RHOQ: variants seen among roughly 807,000 people sequenced by gnomAD.
The protein encoded by RHOQ is rho-related GTP-binding protein RhoQ.
A neutral mutation model predicts 25.8 loss-of-function variants in RHOQ; 7 were observed. That is an observed-to-expected ratio of 0.27 (90% confidence interval 0.15 to 0.51). The LOEUF (loss-of-function observed/expected upper bound fraction) is 0.51, where lower values mean the gene tolerates loss of function less well. RHOQ is among the 20% of genes least tolerant of loss of function. The pLI, the probability that RHOQ is intolerant of heterozygous loss-of-function variation, is 0.97. For synonymous variants in RHOQ, 97 were observed against 98.6 expected (o/e 0.98, Z 0.10); for missense variants, 165 against 260.6 (o/e 0.63, Z 2.53).
In RHOQ at chr2:46,583,075, G is replaced by A. The variant is rs1168018003; in HGVS notation, c.*1992G>A. 6.6e-6 allele frequency: 1 copy of A among 152,030 alleles called. No homozygotes were observed. The highest frequency in any genetic ancestry group is 2.4e-5 in the African/African-American group (1 of 41,408). 9.4% of individuals were successfully genotyped at this position (152,030 alleles called of 1,614,324 possible). The stretch of plus-strand genomic sequence containing the variant: ...ATATTAGCTGAGTTGTCCAACACAT[G>A]GTATAAACGAATTACAACAGTAAAC... On this transcript the variant is annotated 3_prime_UTR_variant, in exon 5 of 5. Transcript: ENST00000238738.
rs1668741489 is a variant in RHOQ at position 46,566,652 on chromosome 2, T to C, written c.202-9435T>C. 6.6e-6 allele frequency among the ~76,000 whole-genome samples: 1 copy of C among 152,122 alleles called. No individual in the cohort carries two copies. Among genetic ancestry groups the C allele is most frequent in the African/African-American group, 2.4e-5 (1 of 41,422 alleles). On this transcript the variant is annotated intron_variant, in intron 2 of 4. Coordinates refer to ENST00000238738, the MANE Select transcript of RHOQ (RefSeq NM_012249.4). This position sits in a 1 kb window ranked among gnomAD's most constrained non-coding sequence, Gnocchi z 4.2. ...GTCGGGGGCTCACCTTTTAATGACT[T>C]TCCATTGCAGGTGGGCCCTGCAGAG...
rs146452712 is a variant in RHOQ, at chr2:46,562,667, G to A, written c.202-13420G>A. On this transcript the variant is annotated intron_variant, in intron 2 of 4. Coordinates refer to ENST00000238738, the MANE Select transcript of RHOQ (RefSeq NM_012249.4). The stretch of plus-strand genomic sequence containing the variant: ...GTGCAAAGTGGGCCGAGAGGACTCC[G>A]TGGCCACATCAAAGCCCATGTGCAT... Among the ~76,000 whole-genome samples the A allele has an allele frequency of 4.5e-3, 693 of 152,328 alleles. 5 individuals are homozygous for A. The highest frequency in any genetic ancestry group is 0.017 in the Middle Eastern group (5 of 294).
At position 46,576,941 on chromosome 2, in the gene RHOQ, C is replaced by G. The variant is rs1041031811; in HGVS notation, c.462+285C>G. ...TGACTCCTGGGCCGAGACTCTTACA[C>G]CTTTGCTACATTGCCAGTGATATTT... is the stretch of plus-strand genomic sequence containing the variant. On this transcript the variant is annotated intron_variant, in intron 4 of 4. Transcript: ENST00000238738. This position sits in a 1 kb window ranked among gnomAD's most constrained non-coding sequence, Gnocchi z 5.1. 7.7e-6 allele frequency: 2 copies of G among 260,340 alleles called. No homozygotes were observed. Among genetic ancestry groups the G allele is most frequent in the Non-Finnish European group, 1.4e-5 (2 of 138,146 alleles). 16.1% of individuals were successfully genotyped at this position (260,340 alleles called of 1,614,324 possible).
At chr2:46,577,202 T>G in intron 4 of RHOQ, 1 of 152,210 alleles carries the variant, frequency 6.6e-6, no homozygotes, top group Non-Finnish European at 1.5e-5. Flanking sequence ...GAAAAGAGGA[T>G]AGAAAATACA....
intron 2 of RHOQ, among the ~76,000 whole-genome samples, chr2:46,575,131 G>A (rs1459614202): frequency 6.6e-6 from 1 of 152,124 alleles, no homozygotes; most frequent in Non-Finnish European, 1.5e-5. Flanking sequence ...TAGCTGTTCT[G>A]GGGACTCTGA....
chr2:46,571,350 C>G (rs1220003773), intron 2 of RHOQ, among the ~76,000 whole-genome samples: 1 of 152,220 alleles, frequency 6.6e-6, no homozygotes, highest in Non-Finnish European at 1.5e-5. Flanking sequence ...GTTTCCTCTT[C>G]TAGGCTGTGG....
chr2:46,547,036 G>C (rs1009622637), intron 2 of RHOQ, among the ~76,000 whole-genome samples: 1 of 152,170 alleles, frequency 6.6e-6, no homozygotes, highest in Non-Finnish European at 1.5e-5. Context: ...AGCAGAGCCC[G>C]TATCCCCATT....
intron 2 of RHOQ, among the ~76,000 whole-genome samples, chr2:46,562,437 C>A (rs967725805): frequency 6.6e-6 from 1 of 152,234 alleles, no homozygotes; most frequent in African/African-American, 2.4e-5. Context: ...GTTTCCTCCT[C>A]TATCTGTACT....
chr2:46,575,358 G>T (rs930951829), intron 2 of RHOQ, among the ~76,000 whole-genome samples: 3 of 150,852 alleles, frequency 2.0e-5, no homozygotes, highest in African/African-American at 7.3e-5. Flanking sequence ...GAGTAAAGGA[G>T]GATTTTGGTG....
Position 46,576,654 on chromosome 2 carries a change from G to C in RHOQ, c.460G>C (p.Glu154Gln). The C allele has an allele frequency of 3.2e-6, 5 of 1,563,980 alleles. No individual in the cohort carries two copies. Among genetic ancestry groups the C allele is most frequent in the Non-Finnish European group, 4.4e-6 (5 of 1,143,398 alleles). ...CVEQGQKLAK[E>Q]IGACCYVECS... ...GGAACAAGGACAGAAACTAGCAAAA[G>C]AGGTAATGGAACACTCACAGAATTT... Residue 154 changes from glutamate (E) to glutamine (Q), a missense_variant and splice_region_variant, in exon 4 of 5, where the codon GAG becomes CAG. Transcript: ENST00000238738. This position sits in a 1 kb window ranked among gnomAD's most constrained non-coding sequence, Gnocchi z 5.1.
In RHOQ at chr2:46,542,899, A is replaced by C; in HGVS notation, c.-148A>C. 8.9e-6 allele frequency: 2 copies of C among 223,688 alleles called. No homozygotes were observed. Among genetic ancestry groups the C allele is most frequent in the Non-Finnish European group, 1.4e-5 (2 of 138,376 alleles). The allele number at this position is 223,688 out of a possible 1,614,324, so 13.9% of individuals were successfully genotyped here. Reference sequence around the variant, plus strand: ...GCCCGCCGCCCCCTCCCCTCCTGCGAGGGGAGCCGCTGCATGGGGCCGGGG... The same window carrying C: ...GCCCGCCGCCCCCTCCCCTCCTGCGCGGGGAGCCGCTGCATGGGGCCGGGG... On this transcript the variant is annotated 5_prime_UTR_variant, in exon 1 of 5. Coordinates refer to ENST00000238738, the MANE Select transcript of RHOQ (RefSeq NM_012249.4).
Position 46,556,131 on chromosome 2 carries a change from G to A in RHOQ, c.201+12319G>A, listed in dbSNP as rs1035817421. On this transcript the variant is annotated intron_variant, in intron 2 of 4. Transcript: ENST00000238738. This position sits in a 1 kb window ranked among gnomAD's most constrained non-coding sequence, Gnocchi z 4.9. Reference sequence around the variant, plus strand: ...CTGTTTCTATGGATTTACCTATTCTGGACATTTCATATTAATGGAATCCTG... The same window carrying A: ...CTGTTTCTATGGATTTACCTATTCTAGACATTTCATATTAATGGAATCCTG... Among the ~76,000 whole-genome samples the A allele has an allele frequency of 1.3e-5, 2 of 151,930 alleles. No individual in the cohort carries two copies. The highest frequency in any genetic ancestry group is 2.4e-5 in the African/African-American group (1 of 41,330).
At chr2:46,572,530 G>T (rs1668966542) in intron 2 of RHOQ, among the ~76,000 whole-genome samples, 1 of 152,124 alleles carries the variant, frequency 6.6e-6, no homozygotes, top group Admixed American at 6.5e-5. Context: ...TAGCCAATTG[G>T]TAAGAAGCTA....
At chr2:46,557,706 A>G (rs1206894764) in intron 2 of RHOQ, among the ~76,000 whole-genome samples, 1 of 152,218 alleles carries the variant, frequency 6.6e-6, no homozygotes, top group Non-Finnish European at 1.5e-5. Flanking sequence ...AGTTATTATG[A>G]AGAAATAAAA....
rs1668721460 is a variant in RHOQ at position 46,566,050 on chromosome 2, G to A, written c.202-10037G>A. ...AATACGGAGAGAGAGAAGAAACAGGGAAACTCACTGGGCAGGTGACTGCTT... is the reference window on the plus strand; with the variant it reads ...AATACGGAGAGAGAGAAGAAACAGGAAAACTCACTGGGCAGGTGACTGCTT... On this transcript the variant is annotated intron_variant, in intron 2 of 4. Coordinates refer to ENST00000238738, the MANE Select transcript of RHOQ (RefSeq NM_012249.4). The surrounding 1 kb of genome is among the most constrained non-coding windows in gnomAD (Gnocchi z 4.2). Among the ~76,000 whole-genome samples the A allele has an allele frequency of 1.3e-5, 2 of 152,198 alleles. No individual in the cohort carries two copies. Among genetic ancestry groups the A allele is most frequent in the African/African-American group, 4.8e-5 (2 of 41,448 alleles).
chr2:46,565,756 G>A (rs185058296), intron 2 of RHOQ, among the ~76,000 whole-genome samples: 107 of 152,334 alleles, frequency 7.0e-4, no homozygotes, highest in Middle Eastern at 3.4e-3. Context: ...TTGATTCAGC[G>A]GGAATGTAAT....
Position 46,581,123 on chromosome 2 carries a change from C to T in RHOQ, c.*40C>T, listed in dbSNP as rs765355378. The T allele has an allele frequency of 7.0e-7, 1 of 1,427,632 alleles. No individual in the cohort carries two copies. The highest frequency in any genetic ancestry group is 9.4e-7 in the Non-Finnish European group (1 of 1,064,662). 88.4% of individuals were successfully genotyped at this position (1,427,632 alleles called of 1,614,324 possible). On this transcript the variant is annotated 3_prime_UTR_variant, in exon 5 of 5. Coordinates refer to ENST00000238738, the MANE Select transcript of RHOQ (RefSeq NM_012249.4). ...GGCCAAGGAAACTGTCCATTTCTCT[C>T]AGAAAGCAAATGAAATGCTACAGCT...
intron 2 of RHOQ, among the ~76,000 whole-genome samples, chr2:46,546,045 G>A (rs1296809135): frequency 1.3e-5 from 2 of 152,118 alleles, no homozygotes; most frequent in African/African-American, 4.8e-5. Flanking sequence ...CCAGTGTCTA[G>A]ACTTTTGTTT....
In RHOQ at chr2:46,552,073, T is replaced by G. The variant is rs1214566105; in HGVS notation, c.201+8261T>G. On this transcript the variant is annotated intron_variant, in intron 2 of 4. Coordinates refer to ENST00000238738, the MANE Select transcript of RHOQ (RefSeq NM_012249.4). The surrounding 1 kb of genome is among the most constrained non-coding windows in gnomAD (Gnocchi z 5.0). ...TAAATGCCTCTTTTATCACATGCAC[T>G]GTTGTTCAGCGTTTCATGTAAAAGG... Among the ~76,000 whole-genome samples the G allele has an allele frequency of 6.6e-6, 1 of 152,234 alleles. No homozygotes were observed. The highest frequency in any genetic ancestry group is 1.5e-5 in the Non-Finnish European group (1 of 68,036).
Sources: gnomAD v4.1 joint callset for allele counts (sites outside exome capture counted in the v4.1 genomes callset) on GRCh38, gnomAD v4.1.1 for gene constraint, Gnocchi (gnomAD v3.1) non-coding constraint, MANE v1.5 for transcripts, NCBI Gene and HGNC (gene_info 2026-07-23, HGNC 2026-07-21) for gene names.